The following AZIN2 variants were observed in gnomAD, a reference collection of about 807,000 sequenced individuals.
The protein encoded by AZIN2 is ODC antizyme inhibitor-2.
Under a neutral mutation model 47.8 loss-of-function variants are expected in AZIN2, and 28 were observed. That is an observed-to-expected ratio of 0.59 (90% CI 0.43 to 0.80). The LOEUF is 0.80. AZIN2 is among the 30% of genes least tolerant of loss of function. The probability of loss-of-function intolerance (pLI) is 0.00; values close to 1 mark genes in which losing one functional copy is unlikely to be tolerated. For synonymous variants in AZIN2, 221 were observed against 239.4 expected (o/e 0.92, Z 0.71); for missense variants, 535 against 582.5 (o/e 0.92, Z 0.84).
intron 10 of AZIN2, among the ~76,000 whole-genome samples, chr1:33,114,679 G>T (rs1008269152): frequency 3.1e-5 from 3 of 96,668 alleles, no homozygotes; most frequent in East Asian, 3.1e-4. Context: ...TTTTTGAGAT[G>T]GAGTTTTGCT....
chr1:33,138,543 T>C, the AZIN2 span, among the ~76,000 whole-genome samples: 1 of 151,004 alleles, frequency 6.6e-6, no homozygotes, highest in African/African-American at 2.4e-5. Context: ...TCCTAGCTAG[T>C]TGGGAGGCTG....
At chr1:33,151,559 C>G in the AZIN2 span, among the ~76,000 whole-genome samples, 1 of 152,142 alleles carries the variant, frequency 6.6e-6, no homozygotes, top group African/African-American at 2.4e-5. Context: ...TCAGTTCCTC[C>G]ATCTGTCCCT....
At chr1:33,136,904 G>A in the AZIN2 span, among the ~76,000 whole-genome samples, 1 of 151,804 alleles carries the variant, frequency 6.6e-6, no homozygotes, top group African/African-American at 2.4e-5. Context: ...GGCTGAGACA[G>A]GATAATTGCT....
chr1:33,095,992 C>T (rs1012574252), intron 8 of AZIN2, among the ~76,000 whole-genome samples: 1 of 152,098 alleles, frequency 6.6e-6, no homozygotes, highest in African/African-American at 2.4e-5. Context: ...TGCAAGCCAC[C>T]ATGCTCAGCT....
rs145339263 is a variant in AZIN2 at position 33,104,272 on chromosome 1, A to G, written c.1029+6093A>G. ...TTTATTTTGATGTCAATGTCTTTTT[A>G]TATCCTCTGTTCACTTAATTTGGGA... is the stretch of plus-strand genomic sequence containing the variant. On this transcript the variant is annotated intron_variant, in intron 10 of 11. Coordinates refer to ENST00000294517, the MANE Select transcript of AZIN2 (RefSeq NM_052998.4). 2.3e-3 allele frequency among the ~76,000 whole-genome samples: 353 copies of G among 152,224 alleles called. 1 individual carries two copies. In the Middle Eastern group the frequency reaches 0.027, roughly 12 times the overall value.
chr1:33,125,957 T>C (rs1049082032), downstream of AZIN2, among the ~76,000 whole-genome samples: 1 of 152,126 alleles, frequency 6.6e-6, no homozygotes, highest in Non-Finnish European at 1.5e-5. Context: ...AGCCCAGGAA[T>C]TTGAGGCCAG....
the AZIN2 span, chr1:33,165,421 C>T: frequency 6.6e-7 from 1 of 1,507,830 alleles, no homozygotes; most frequent in East Asian, 2.5e-5. The surrounding 1 kb of genome is among the most constrained non-coding windows in gnomAD (Gnocchi z 4.0). Context: ...CCCCTCGAAG[C>T]CCTGCCCTCA....
intron 10 of AZIN2, among the ~76,000 whole-genome samples, chr1:33,106,066 T>C (rs990142325): frequency 6.6e-6 from 1 of 152,162 alleles, no homozygotes; most frequent in African/African-American, 2.4e-5. Context: ...AATAAAATTA[T>C]AAATGAAAGA....
Position 33,082,173 on chromosome 1 carries a change from C to G in AZIN2, c.-72-5C>G, listed in dbSNP as rs570149777. 9.9e-5 allele frequency: 123 copies of G among 1,237,366 alleles called. No individual in the cohort carries two copies. The African/African-American group carries it at 1.5e-3, about 16-fold the overall frequency. 76.6% of individuals were successfully genotyped at this position (1,237,366 alleles called of 1,614,324 possible). A position where few individuals can be genotyped will look rare whatever the true frequency, so the allele number is the denominator to read the frequency against. ...CGGTTCCCTTCATCTCCCCTCGCCC[C>G]GCAGTGTGTTGCATACTTTCTAAGG... On this transcript the variant is annotated splice_region_variant and splice_polypyrimidine_tract_variant and intron_variant, in intron 3 of 11. Coordinates refer to ENST00000294517, the MANE Select transcript of AZIN2 (RefSeq NM_052998.4).
At chr1:33,105,774 A>T (rs971664167) in intron 10 of AZIN2, among the ~76,000 whole-genome samples, 1 of 152,226 alleles carries the variant, frequency 6.6e-6, no homozygotes, top group Admixed American at 6.5e-5. Flanking sequence ...ACAAATGTGT[A>T]TGAGCACTTC....
intron 11 of AZIN2, 43 bp from the exon 12 acceptor site, chr1:33,120,001 A>G: frequency 6.2e-7 from 1 of 1,611,714 alleles, no homozygotes; most frequent in South Asian, 1.1e-5. Flanking sequence ...GGGCCCTGCC[A>G]GTCCCATGCT....
rs1331275564 is a variant in AZIN2, at chr1:33,081,748, G to A, written c.-137G>A. The A allele has an allele frequency of 9.5e-6, 2 of 211,280 alleles. No homozygotes were observed. The highest frequency in any genetic ancestry group is 1.9e-5 in the Non-Finnish European group (2 of 103,568). The allele number at this position is 211,280 out of a possible 1,614,324, so 13.1% of individuals were successfully genotyped here. A position where few individuals can be genotyped will look rare whatever the true frequency, so the allele number is the denominator to read the frequency against. On this transcript the variant is annotated 5_prime_UTR_variant, in exon 3 of 12. Coordinates refer to ENST00000294517, the MANE Select transcript of AZIN2 (RefSeq NM_052998.4). The surrounding 1 kb of genome is among the most constrained non-coding windows in gnomAD (Gnocchi z 4.2). ...ACCCGAGGTCAAGCAGTAGAGAGCGGACTCGAACTTAAGCTCTTGCTCTTA... is the reference window on the plus strand; with the variant it reads ...ACCCGAGGTCAAGCAGTAGAGAGCGAACTCGAACTTAAGCTCTTGCTCTTA...
the AZIN2 span, among the ~76,000 whole-genome samples, chr1:33,154,365 C>T: frequency 1.3e-5 from 2 of 152,200 alleles, no homozygotes; most frequent in Non-Finnish European, 2.9e-5. Context: ...TGTCACAGCT[C>T]GGAGAGGCAG....
chr1:33,141,232 CCTT>C, the AZIN2 span, among the ~76,000 whole-genome samples: 695 of 152,064 alleles, frequency 4.6e-3, 20 homozygotes, highest in East Asian at 0.086. Context: ...CCCCCGCAGA[CCTT>C]CTTAGATGTG....
At chr1:33,125,733 CCCTTTCCTTT>C (rs59708630), downstream of AZIN2, among the ~76,000 whole-genome samples, 28 of 152,014 alleles carry the variant, frequency 1.8e-4, no homozygotes, top group Middle Eastern at 3.4e-3. Context: ...TCATCACACG[CCCTTTCCTTT>C]CCTTTCCTTT....
intron 10 of AZIN2, among the ~76,000 whole-genome samples, chr1:33,107,602 C>A (rs770064953): frequency 2.6e-5 from 4 of 151,764 alleles, no homozygotes; most frequent in Admixed American, 6.6e-5. Context: ...AACAAACAAA[C>A]AAAAAAACTC....
In AZIN2 at chr1:33,113,301, A is replaced by G. The variant is rs563377120; in HGVS notation, c.1030-4601A>G. ...TATTTTTTTATTGTTTTATTTGAATAAGTATTACTGTGGCCCAAGTACATC... is the reference window on the plus strand; with the variant it reads ...TATTTTTTTATTGTTTTATTTGAATGAGTATTACTGTGGCCCAAGTACATC... On this transcript the variant is annotated intron_variant, in intron 10 of 11. Coordinates refer to ENST00000294517, the MANE Select transcript of AZIN2 (RefSeq NM_052998.4). The surrounding 1 kb of genome is among the most constrained non-coding windows in gnomAD (Gnocchi z 4.1). Among the ~76,000 whole-genome samples the G allele has an allele frequency of 2.6e-5, 4 of 152,312 alleles. No individual in the cohort carries two copies. The South Asian group carries it at 8.3e-4, about 32-fold the overall frequency.
chr1:33,115,225 T>C (rs1440652771), intron 10 of AZIN2, among the ~76,000 whole-genome samples: 2 of 152,074 alleles, frequency 1.3e-5, no homozygotes, highest in Non-Finnish European at 2.9e-5. Flanking sequence ...TATGAAGTGG[T>C]GGTGGTATGC....
At chr1:33,166,469 G>A in the AZIN2 span, among the ~76,000 whole-genome samples, 2 of 151,992 alleles carry the variant, frequency 1.3e-5, no homozygotes, top group East Asian at 1.9e-4. Flanking sequence ...AACATTCTCC[G>A]AGGGCTACAG....
Sources: gnomAD v4.1 joint callset for allele counts (sites outside exome capture counted in the v4.1 genomes callset) on GRCh38, gnomAD v4.1.1 for gene constraint, Gnocchi (gnomAD v3.1) non-coding constraint, MANE v1.5 for transcripts, NCBI Gene and HGNC (gene_info 2026-07-23, HGNC 2026-07-21) for gene names.